Variants in CACNA1E observed in about 807,000 individuals in gnomAD.
The protein encoded by CACNA1E is calcium voltage-gated channel subunit alpha1 E.
Under a neutral mutation model 259.2 loss-of-function variants are expected in CACNA1E, and 40 were observed. That is an observed-to-expected ratio of 0.15 (90% CI 0.12 to 0.20). The LOEUF (loss-of-function observed/expected upper bound fraction) is 0.20. Among genes scored for constraint, CACNA1E ranks in the 10% least tolerant of loss-of-function variants. The pLI, the probability that CACNA1E is intolerant of heterozygous loss-of-function variation, is 1.00. For missense variants in CACNA1E, 1,874 were observed against 3,040.1 expected, an observed-to-expected ratio of 0.62 and a Z score of 9.02; for synonymous variants, 1,104 against 1,138.5, an observed-to-expected ratio of 0.97 and a Z score of 0.61.
At chr1:181,350,129 C>T (rs182144577) in intron 1 of CACNA1E, among the ~76,000 whole-genome samples, 81 of 152,318 alleles carry the variant, frequency 5.3e-4, no homozygotes, top group African/African-American at 1.7e-3. Context: ...GCCTGATGCT[C>T]TCAGCAAACC....
intron 43 of CACNA1E, 117 bp downstream of exon 43, chr1:181,785,936 G>A (rs1376138858): frequency 4.1e-5 from 28 of 674,980 alleles, no homozygotes; most frequent in Non-Finnish European, 6.5e-5. Flanking sequence ...CTGAGCTTGA[G>A]TGATCCTTTT....
At chr1:181,679,093 G>A (rs1203504370) in intron 7 of CACNA1E, among the ~76,000 whole-genome samples, 2 of 152,224 alleles carry the variant, frequency 1.3e-5, no homozygotes, top group Non-Finnish European at 2.9e-5. Context: ...AGTCCCAGGA[G>A]AGAGGTACTC....
In CACNA1E at chr1:181,603,218, C is replaced by T. The variant is rs112540059; in HGVS notation, c.951+22442C>T. Among the ~76,000 whole-genome samples, 600 of 152,244 alleles carry T rather than the reference C, an allele frequency of 3.9e-3. 3 individuals carry two copies. The highest frequency in any genetic ancestry group is 0.014 in the African/African-American group (572 of 41,534). Reference sequence around the variant, plus strand: ...CACAGAGCACATATTATATGCCAGGCGCTGTTCTAAGAGCGCTCTGTGGAT... The same window carrying T: ...CACAGAGCACATATTATATGCCAGGTGCTGTTCTAAGAGCGCTCTGTGGAT... On this transcript the variant is annotated intron_variant, in intron 6 of 47. Transcript: ENST00000367573.
intron 3 of CACNA1E, among the ~76,000 whole-genome samples, chr1:181,569,912 A>T (rs1650234456): frequency 6.6e-6 from 1 of 152,190 alleles, no homozygotes; most frequent in African/African-American, 2.4e-5. Context: ...ATGTTCTAAG[A>T]TATAAGAACT....
chr1:181,534,627 A>G (rs895460253), intron 3 of CACNA1E, among the ~76,000 whole-genome samples: 7 of 152,128 alleles, frequency 4.6e-5, no homozygotes, highest in African/African-American at 1.7e-4. Flanking sequence ...TGTAACCAAA[A>G]CTACCTGTAC....
At chr1:181,516,605 G>A (rs574538521) in intron 3 of CACNA1E, among the ~76,000 whole-genome samples, 5 of 152,258 alleles carry the variant, frequency 3.3e-5, no homozygotes, top group South Asian at 4.1e-4. Flanking sequence ...CAGACTCAGC[G>A]ACAGCACCAG....
At chr1:181,323,580 C>A (rs1420646387) in intron 1 of CACNA1E, among the ~76,000 whole-genome samples, 2 of 152,142 alleles carry the variant, frequency 1.3e-5, no homozygotes, top group Non-Finnish European at 2.9e-5. Context: ...ACTAGTCATA[C>A]AATAGGATTT....
intron 3 of CACNA1E, among the ~76,000 whole-genome samples, chr1:181,577,180 C>A (rs1298217108): frequency 6.6e-6 from 1 of 152,082 alleles, no homozygotes; most frequent in Non-Finnish European, 1.5e-5. Flanking sequence ...AGGAAGAAAT[C>A]CAATTAGGGT....
At position 181,732,548 on chromosome 1, in the gene CACNA1E, A is replaced by G. The variant is rs1316751867; in HGVS notation, c.2462A>G (p.Asn821Ser). 3 of 1,549,034 alleles carry G rather than the reference A, an allele frequency of 1.9e-6. No homozygotes were observed. In the African/African-American group the frequency reaches 4.1e-5, roughly 21 times the overall value. ...CCGCTCAGCTCCCTCAACCCGCTCAATGCCCACCCCAGCCTTTATCGGCGA... is the reference window on the plus strand; with the variant it reads ...CCGCTCAGCTCCCTCAACCCGCTCAGTGCCCACCCCAGCCTTTATCGGCGA... ...LNPLSSLNPL[N>S]AHPSLYRRPR... Residue 821 changes from asparagine to serine, a missense_variant, in exon 20 of 48, where the codon AAT becomes AGT. Physicochemically the swap from Asn to Ser is conservative, Grantham distance 46. Coordinates refer to ENST00000367573, the MANE Select transcript of CACNA1E (RefSeq NM_001205293.3). The surrounding 1 kb of genome is among the most constrained non-coding windows in gnomAD (Gnocchi z 5.5).
intron 1 of CACNA1E, among the ~76,000 whole-genome samples, chr1:181,350,773 A>T (rs1022343237): frequency 9.2e-5 from 14 of 152,026 alleles, no homozygotes; most frequent in African/African-American, 3.4e-4. Context: ...ATATTCTCCC[A>T]ATTTTTTCCC....
rs1356320410 is a variant in CACNA1E, at chr1:181,807,454, T to TC, written c.*8624dup. On this transcript the variant is annotated 3_prime_UTR_variant, in exon 48 of 48. Transcript: ENST00000367573. The stretch of plus-strand genomic sequence containing the variant: ...CCATTCTTCCTCCTGTCCACATCAC[T>TC]CCCCATTTAACTGCAATTGCTCCCT... 1.3e-5 allele frequency: 2 copies of TC among 151,854 alleles called. No homozygotes were observed. Among genetic ancestry groups the TC allele is most frequent in the African/African-American group, 4.8e-5 (2 of 41,318 alleles). The allele number at this position is 151,854 out of a possible 1,614,324, so 9.4% of individuals were successfully genotyped here.
At chr1:181,494,907 C>T (rs1664620916) in intron 1 of CACNA1E, among the ~76,000 whole-genome samples, 1 of 152,230 alleles carries the variant, frequency 6.6e-6, no homozygotes, top group African/African-American at 2.4e-5. Flanking sequence ...TGTGCGTTGA[C>T]CGTTCAGCTT....
At chr1:181,644,501 C>T (rs1031387721) in intron 6 of CACNA1E, among the ~76,000 whole-genome samples, 2 of 152,100 alleles carry the variant, frequency 1.3e-5, no homozygotes, top group Non-Finnish European at 2.9e-5. Context: ...GTATCCTTTT[C>T]CTAAAATGTG....
At chr1:181,424,958 A>G (rs1429720076) in intron 2 of CACNA1E, among the ~76,000 whole-genome samples, 2 of 152,166 alleles carry the variant, frequency 1.3e-5, no homozygotes, top group East Asian at 3.9e-4. Context: ...CCATATCTGT[A>G]GAAGGAGGCT....
intron 6 of CACNA1E, among the ~76,000 whole-genome samples, chr1:181,640,142 T>C (rs1657616995): frequency 6.6e-6 from 1 of 152,184 alleles, no homozygotes; most frequent in Admixed American, 6.5e-5. Flanking sequence ...CTGACCAGCC[T>C]GGGGACTGAC....
chr1:181,343,792 A>G (rs1024254057), intron 1 of CACNA1E, among the ~76,000 whole-genome samples: 2 of 152,054 alleles, frequency 1.3e-5, no homozygotes, highest in African/African-American at 4.8e-5. Flanking sequence ...TAAAGAGGAA[A>G]CCTGGTGATG....
chr1:181,565,431 A>T (rs1367377129), intron 3 of CACNA1E, among the ~76,000 whole-genome samples: 1 of 152,208 alleles, frequency 6.6e-6, no homozygotes, highest in Non-Finnish European at 1.5e-5. Flanking sequence ...CACTGTAGCC[A>T]GTTTTCTTCT....
intron 3 of CACNA1E, among the ~76,000 whole-genome samples, chr1:181,558,089 G>A (rs547968130): frequency 8.5e-5 from 13 of 152,228 alleles, no homozygotes; most frequent in East Asian, 1.9e-4. Context: ...CTGGAGAAGA[G>A]AATAATTCCA....
Position 181,380,262 on chromosome 1 carries a change from G to A in CACNA1E, c.-14-32871G>A, listed in dbSNP as rs568401708. On this transcript the variant is annotated intron_variant, in intron 1 of 11. Coordinates refer to the CACNA1E transcript ENST00000524607. Reference sequence around the variant, plus strand: ...ACATCCTGCCTACAAGAAACATACTGCAAATAATAAAGACACAAACTTTAT... The same window carrying A: ...ACATCCTGCCTACAAGAAACATACTACAAATAATAAAGACACAAACTTTAT... Among the ~76,000 whole-genome samples, 259 of 151,974 alleles carry A rather than the reference G, an allele frequency of 1.7e-3. 1 individual carries two copies. The highest frequency in any genetic ancestry group is 6.1e-3 in the African/African-American group (252 of 41,508).
Sources: allele counts gnomAD v4.1 joint callset (sites outside exome capture counted in the v4.1 genomes callset), GRCh38; gene constraint gnomAD v4.1.1; non-coding constraint Gnocchi (gnomAD v3.1); transcripts MANE v1.5; gene names NCBI Gene and HGNC (gene_info 2026-07-23, HGNC 2026-07-21).